SPAG16: variants seen among roughly 807,000 people sequenced by gnomAD.
The protein encoded by SPAG16 is sperm-associated antigen 16 protein.
SPAG16 carries 86 observed loss-of-function variants against 80.4 expected under a neutral mutation model. That is an observed-to-expected ratio of 1.07 (90% CI 0.90 to 1.28). The LOEUF (loss-of-function observed/expected upper bound fraction) is 1.28. SPAG16 is among the 50% of genes most tolerant of loss of function. The pLI, the probability that SPAG16 is intolerant of heterozygous loss-of-function variation, is 0.00. For synonymous variants in SPAG16, 294 were observed against 265.9 expected, an observed-to-expected ratio of 1.11 and a Z score of -1.03; for missense variants, 870 against 765.3, an observed-to-expected ratio of 1.14 and a Z score of -1.61.
rs2046468815 is a variant in SPAG16 at position 213,995,383 on chromosome 2, A to T, written c.1401-18568A>T. Among the ~76,000 whole-genome samples, 6 of 152,330 alleles carry T rather than the reference A, an allele frequency of 3.9e-5. No individual in the cohort carries two copies. The South Asian group carries it at 1.2e-3, about 32-fold the overall frequency. ...GTGCTGATATTATAGCAGAGAAAAAAACTGATTTTACCTTTCCTAACTCCT... is the reference window on the plus strand; with the variant it reads ...GTGCTGATATTATAGCAGAGAAAAATACTGATTTTACCTTTCCTAACTCCT... On this transcript the variant is annotated intron_variant, in intron 12 of 15. Coordinates refer to ENST00000331683, the MANE Select transcript of SPAG16 (RefSeq NM_024532.5).
chr2:213,912,098 A>G (rs1003925261), intron 11 of SPAG16, among the ~76,000 whole-genome samples: 4 of 152,136 alleles, frequency 2.6e-5, no homozygotes, highest in Admixed American at 2.6e-4. Context: ...TTTAGTGAGA[A>G]TAATAGTGTG....
At chr2:213,298,100 T>A (rs2062583906) in intron 3 of SPAG16, among the ~76,000 whole-genome samples, 1 of 152,126 alleles carries the variant, frequency 6.6e-6, no homozygotes, top group Admixed American at 6.5e-5. Context: ...TCTTTCCATA[T>A]TCTGTAGACT....
chr2:213,880,037 T>C (rs2076286539), intron 11 of SPAG16, among the ~76,000 whole-genome samples: 1 of 152,200 alleles, frequency 6.6e-6, no homozygotes. Flanking sequence ...AGCTCTGTTT[T>C]AAGTTTTTGA....
chr2:213,295,131 A>G (rs929558084), intron 1 of SPAG16, among the ~76,000 whole-genome samples: 23 of 152,150 alleles, frequency 1.5e-4, no homozygotes, highest in African/African-American at 5.6e-4. Flanking sequence ...AAACTAGGCT[A>G]ATCTTATCTT....
chr2:213,791,343 G>C (rs1020184511), intron 10 of SPAG16, among the ~76,000 whole-genome samples: 4 of 151,248 alleles, frequency 2.6e-5, no homozygotes, highest in African/African-American at 7.3e-5. Context: ...TGAATCATGA[G>C]GCATTTTTGG....
chr2:213,723,587 A>C (rs915157883), intron 10 of SPAG16, among the ~76,000 whole-genome samples: 3 of 152,200 alleles, frequency 2.0e-5, no homozygotes, highest in Non-Finnish European at 4.4e-5. Context: ...CATGGACAAA[A>C]AAGAGAGTGG....
At chr2:213,287,118 T>C (rs1366102371) in intron 1 of SPAG16, among the ~76,000 whole-genome samples, 1 of 152,198 alleles carries the variant, frequency 6.6e-6, no homozygotes, top group Non-Finnish European at 1.5e-5. Context: ...CACTAAGAAA[T>C]TGAGTTATGG....
chr2:214,223,609 TA>T (rs1369029931), intron 15 of SPAG16, among the ~76,000 whole-genome samples: 1 of 152,124 alleles, frequency 6.6e-6, no homozygotes, highest in East Asian at 1.9e-4. Flanking sequence ...TAATGGTATT[TA>T]AAAGTAACCT....
rs544994665 is a variant in SPAG16, at chr2:213,919,382, G to A, written c.1215-10578G>A. On this transcript the variant is annotated intron_variant, in intron 11 of 15. Transcript: ENST00000331683. ...GTCCATTTAGTTGTGATGTTAGGTT[G>A]ATAAATTGAGATCTTTCTAACTTTT... is the stretch of plus-strand genomic sequence containing the variant. Among the ~76,000 whole-genome samples the A allele has an allele frequency of 2.6e-5, 4 of 152,176 alleles. No individual in the cohort carries two copies. In the South Asian group the frequency reaches 8.3e-4, roughly 32 times the overall value.
At chr2:214,074,764 A>G (rs2050983770) in intron 13 of SPAG16, among the ~76,000 whole-genome samples, 1 of 152,204 alleles carries the variant, frequency 6.6e-6, no homozygotes, top group Non-Finnish European at 1.5e-5. Flanking sequence ...TATTCAAAGG[A>G]CTAATAAATA....
intron 15 of SPAG16, among the ~76,000 whole-genome samples, chr2:214,186,550 G>T (rs2057483615): frequency 6.6e-6 from 1 of 152,012 alleles, no homozygotes; most frequent in African/African-American, 2.4e-5. Flanking sequence ...AATAACCATG[G>T]CTGAGAACCA....
At chr2:213,600,663 G>A (rs2061030836) in intron 10 of SPAG16, among the ~76,000 whole-genome samples, 1 of 152,190 alleles carries the variant, frequency 6.6e-6, no homozygotes, top group Non-Finnish European at 1.5e-5. Flanking sequence ...GTATTAGTTT[G>A]TAGAAGTGTG....
At chr2:213,654,237 C>G (rs1023993425) in intron 10 of SPAG16, among the ~76,000 whole-genome samples, 1 of 152,102 alleles carries the variant, frequency 6.6e-6, no homozygotes, top group Non-Finnish European at 1.5e-5. Context: ...CTCAGTATGT[C>G]AATACAAAGG....
At chr2:214,203,653 G>A (rs1271980700) in intron 15 of SPAG16, among the ~76,000 whole-genome samples, 1 of 152,128 alleles carries the variant, frequency 6.6e-6, no homozygotes, top group Admixed American at 6.6e-5. Flanking sequence ...AAGAAGCAGT[G>A]GGAAGAGCCC....
At chr2:213,336,553 G>A (rs1373373194) in intron 5 of SPAG16, among the ~76,000 whole-genome samples, 9 of 152,212 alleles carry the variant, frequency 5.9e-5, no homozygotes, top group African/African-American at 1.9e-4. Flanking sequence ...CCTGCTGTAG[G>A]TGCCAGTGAG....
chr2:213,299,609 G>C (rs914477124), intron 3 of SPAG16, among the ~76,000 whole-genome samples: 1 of 151,960 alleles, frequency 6.6e-6, no homozygotes, highest in Non-Finnish European at 1.5e-5. Flanking sequence ...AATGTGGGTA[G>C]TATAGATTAA....
chr2:213,946,630 A>G (rs1398573188), intron 12 of SPAG16, among the ~76,000 whole-genome samples: 1 of 152,222 alleles, frequency 6.6e-6, no homozygotes, highest in South Asian at 2.1e-4. Context: ...TATTGTCAAA[A>G]TTAGGAAATT....
intron 10 of SPAG16, among the ~76,000 whole-genome samples, chr2:213,719,644 C>A (rs112581579): frequency 2.0e-5 from 3 of 152,162 alleles, no homozygotes; most frequent in African/African-American, 7.2e-5. Context: ...ACAATACCAT[C>A]TCATGCTAGT....
At chr2:213,483,410 AG>A (rs1344662839) in intron 9 of SPAG16, among the ~76,000 whole-genome samples, 1 of 152,312 alleles carries the variant, frequency 6.6e-6, no homozygotes, top group Non-Finnish European at 1.5e-5. Flanking sequence ...TATTACCAGC[AG>A]TGTATGAGAG....
Sources: allele counts gnomAD v4.1 joint callset (sites outside exome capture counted in the v4.1 genomes callset), GRCh38; gene constraint gnomAD v4.1.1; transcripts MANE v1.5; gene names NCBI Gene and HGNC (gene_info 2026-07-23, HGNC 2026-07-21).